Variants in ARHGAP21 observed in about 807,000 individuals in gnomAD.
ARHGAP21 encodes rho GTPase-activating protein 21.
A neutral mutation model predicts 164.6 loss-of-function variants in ARHGAP21; 38 were observed. The observed-to-expected ratio is 0.23, with a 90% CI of 0.18 to 0.30. ARHGAP21 has a LOEUF of 0.30. Ranked by LOEUF, ARHGAP21 falls within the 10% of genes least tolerant of loss-of-function variation. The probability of loss-of-function intolerance (pLI) is 1.00; values close to 1 mark genes in which losing one functional copy is unlikely to be tolerated. For missense variants in ARHGAP21, 1,822 were observed against 2,370.7 expected, an observed-to-expected ratio of 0.77 and a Z score of 4.81; for synonymous variants, 766 against 857.9, an observed-to-expected ratio of 0.89 and a Z score of 1.87.
intron 2 of ARHGAP21, among the ~76,000 whole-genome samples, chr10:24,692,646 A>G (rs899953770): frequency 2.0e-4 from 31 of 152,158 alleles, no homozygotes; most frequent in African/African-American, 7.5e-4. Context: ...AGCCTGGCCA[A>G]CATGGCGGAA....
intron 2 of ARHGAP21, among the ~76,000 whole-genome samples, chr10:24,708,266 T>G (rs1280293796): frequency 2.0e-5 from 3 of 152,118 alleles, no homozygotes; most frequent in Admixed American, 6.6e-5. Flanking sequence ...ATTCTGGACT[T>G]TGACCCTCTT....
chr10:24,622,826 C>A, intron 7 of ARHGAP21, 64 bp from the exon 8 acceptor site: 2 of 1,519,074 alleles, frequency 1.3e-6, no homozygotes, highest in South Asian at 2.4e-5. Context: ...ATCATGTTGT[C>A]ATATTGATGC....
At position 24,721,659 on chromosome 10, in the gene ARHGAP21, GA is replaced by G. The variant is rs535808579; in HGVS notation, c.63+177del. Among the ~76,000 whole-genome samples the G allele has an allele frequency of 2.7e-3, 417 of 152,324 alleles. 2 individuals are homozygous for G. The highest frequency in any genetic ancestry group is 9.3e-3 in the African/African-American group (387 of 41,580). The stretch of plus-strand genomic sequence containing the variant: ...TGCAAAAGAAACACGGGAGTCCCTG[GA>G]AACAGACGTGGGCCAGGCTTCTCCT... On this transcript the variant is annotated intron_variant, in intron 2 of 25. Coordinates refer to ENST00000396432, the MANE Select transcript of ARHGAP21 (RefSeq NM_020824.4).
intron 2 of ARHGAP21, among the ~76,000 whole-genome samples, chr10:24,690,853 TAC>T (rs1842709089): frequency 6.7e-6 from 1 of 149,954 alleles, no homozygotes; most frequent in Non-Finnish European, 1.5e-5. Flanking sequence ...TATATATATA[TAC>T]ACATATATAT....
At chr10:24,719,044 A>AGT (rs1474794605) in intron 2 of ARHGAP21, among the ~76,000 whole-genome samples, 1 of 151,818 alleles carries the variant, frequency 6.6e-6, no homozygotes, top group Non-Finnish European at 1.5e-5. Flanking sequence ...ATCTATATAA[A>AGT]GTGATTTTGT....
rs1842518842 is a variant in ARHGAP21 at position 24,689,576 on chromosome 10, C to CA, written c.64-19180dup. On this transcript the variant is annotated intron_variant, in intron 2 of 25. Transcript: ENST00000396432. ...GCAATATGGCAAAACCCCATCTCTA[C>CA]AAAAAATACAAAAAATTAGCCCAGC... Among the ~76,000 whole-genome samples, 3 of 151,762 alleles carry CA rather than the reference C, an allele frequency of 2.0e-5. No individual in the cohort carries two copies. In the South Asian group the frequency reaches 6.2e-4, roughly 31 times the overall value.
intron 4 of ARHGAP21, among the ~76,000 whole-genome samples, chr10:24,651,097 T>C (rs1388636664): frequency 6.6e-6 from 1 of 152,202 alleles, no homozygotes; most frequent in Non-Finnish European, 1.5e-5. Flanking sequence ...ATGTCAAGCA[T>C]GGAGGTGGGC....
chr10:24,688,429 T>C (rs1015783652), intron 2 of ARHGAP21, among the ~76,000 whole-genome samples: 11 of 152,090 alleles, frequency 7.2e-5, no homozygotes, highest in Non-Finnish European at 1.0e-4. Flanking sequence ...CACCATTTTA[T>C]AGAACAGAAC....
chr10:24,614,607 AC>A (rs1315677796), intron 9 of ARHGAP21, among the ~76,000 whole-genome samples: 2 of 151,788 alleles, frequency 1.3e-5, no homozygotes, highest in African/African-American at 4.8e-5. Context: ...ACATGGTGAA[AC>A]CCCGTTTCTA....
Position 24,633,541 on chromosome 10 carries a change from T to C in ARHGAP21, c.362-61A>G, listed in dbSNP as rs1836044050. 1.3e-5 allele frequency: 14 copies of C among 1,109,372 alleles called. No homozygotes were observed. In the East Asian group the frequency reaches 2.2e-4, roughly 17 times the overall value. 68.7% of individuals were successfully genotyped at this position (1,109,372 alleles called of 1,614,324 possible). On this transcript the variant is annotated intron_variant, in intron 5 of 25. Coordinates refer to ENST00000396432, the MANE Select transcript of ARHGAP21 (RefSeq NM_020824.4). ...TGCAGAAAGTCACTTTTGAACACTTTTGAAATATTTCTTGAATAATGTCCT... is the reference window on the plus strand; with the variant it reads ...TGCAGAAAGTCACTTTTGAACACTTCTGAAATATTTCTTGAATAATGTCCT...
chr10:24,702,380 C>T (rs1276231915), intron 2 of ARHGAP21, among the ~76,000 whole-genome samples: 1 of 151,984 alleles, frequency 6.6e-6, no homozygotes, highest in African/African-American at 2.4e-5. Context: ...ATCCGCCTGC[C>T]TCAGCCTCCC....
At chr10:24,609,172 T>C (rs558557627) in intron 9 of ARHGAP21, among the ~76,000 whole-genome samples, 1 of 152,348 alleles carries the variant, frequency 6.6e-6, no homozygotes, top group South Asian at 2.1e-4. Context: ...TCTTTAATTA[T>C]ACTGGGATAA....
chr10:24,710,795 C>G (rs1421073631), intron 2 of ARHGAP21, among the ~76,000 whole-genome samples: 3 of 152,098 alleles, frequency 2.0e-5, no homozygotes, highest in African/African-American at 7.2e-5. Flanking sequence ...TGCTTCCTTC[C>G]TCAATCTCAG....
At chr10:24,671,126 C>T (rs945473718) in intron 2 of ARHGAP21, among the ~76,000 whole-genome samples, 12 of 152,236 alleles carry the variant, frequency 7.9e-5, no homozygotes, top group African/African-American at 2.9e-4. Context: ...CATGTTCTCA[C>T]TTTCCTCTTA....
chr10:24,655,862 C>T (rs1310821766), intron 4 of ARHGAP21, among the ~76,000 whole-genome samples: 62 of 132,834 alleles, frequency 4.7e-4, no homozygotes, highest in Non-Finnish European at 7.4e-4. Flanking sequence ...GCCTCTGCCC[C>T]GCCACCCCAT....
chr10:24,622,875 TC>T, intron 7 of ARHGAP21, 113 bp from the exon 8 acceptor site: 1 of 1,045,344 alleles, frequency 9.6e-7, no homozygotes, highest in Non-Finnish European at 1.4e-6. Flanking sequence ...TACTTGTTTC[TC>T]TGGAAGGTAC....
At chr10:24,592,894 C>T (rs1349045408) in intron 21 of ARHGAP21, among the ~76,000 whole-genome samples, 1 of 152,048 alleles carries the variant, frequency 6.6e-6, no homozygotes, top group East Asian at 1.9e-4. Flanking sequence ...TATTTCTGAC[C>T]AATTTTTACT....
rs115720092 is a variant in ARHGAP21, at chr10:24,678,247, G to A, written c.64-7850C>T. ...ACTGACACAGATACAATCCACTCGT[G>A]TTATTCATATTTCTCCAGTTTTACC... On this transcript the variant is annotated intron_variant, in intron 2 of 25. Transcript: ENST00000396432. Among the ~76,000 whole-genome samples, 504 of 152,266 alleles carry A rather than the reference G, an allele frequency of 3.3e-3. 3 individuals are homozygous for A. Among genetic ancestry groups the A allele is most frequent in the African/African-American group, 0.011 (466 of 41,552 alleles).
chr10:24,630,327 TA>T (rs1835731956), intron 6 of ARHGAP21, among the ~76,000 whole-genome samples: 1 of 152,302 alleles, frequency 6.6e-6, no homozygotes, highest in East Asian at 1.9e-4. Flanking sequence ...TTTAGAAATA[TA>T]AAGTATGTTG....
Sources: gnomAD v4.1 joint callset for allele counts (sites outside exome capture counted in the v4.1 genomes callset) on GRCh38, gnomAD v4.1.1 for gene constraint, MANE v1.5 for transcripts, NCBI Gene and HGNC (gene_info 2026-07-23, HGNC 2026-07-21) for gene names.